Variants in TECTB observed in about 807,000 individuals in gnomAD.
The protein encoded by TECTB is tectorin beta.
TECTB carries 45 observed loss-of-function variants against 43.3 expected under a neutral mutation model. The observed-to-expected ratio is 1.04, with a 90% CI of 0.82 to 1.33. TECTB has a LOEUF of 1.33. Among genes scored for constraint, TECTB ranks in the 40% most tolerant of loss-of-function variants. TECTB has a pLI of 0.00. For synonymous variants in TECTB, 169 were observed against 156.7 expected (o/e 1.08, Z -0.59); for missense variants, 399 against 404.7 (o/e 0.99, Z 0.12).
At chr10:112,293,696 A>T in intron 5 of TECTB, 42 bp from the exon 6 acceptor site, 2 of 1,578,312 alleles carry the variant, frequency 1.3e-6, no homozygotes, top group Non-Finnish European at 1.7e-6. Flanking sequence ...TAGCTGCTCA[A>T]TCTGAGAGTT....
At chr10:112,297,825 A>G (rs138604848) in intron 7 of TECTB, among the ~76,000 whole-genome samples, 324 of 152,118 alleles carry the variant, frequency 2.1e-3, no homozygotes, top group Non-Finnish European at 3.4e-3. Flanking sequence ...TAAAAGTGTG[A>G]CTCTTATAAG....
chr10:112,300,279 A>AAAGGAAAGAAAGAAAG lies in TECTB; in HGVS notation c.907+717_907+718insGGAAAGAAAGAAAGAA, dbSNP rs1361291056. ...GAAAGAAAGAAAGAAAGAAAGAAAG[A>AAAGGAAAGAAAGAAAG]AAAGAAAGAAAGAAAGAAAGAAAGA... On this transcript the variant is annotated intron_variant, in intron 9 of 10. Transcript: ENST00000646139. Among the ~76,000 whole-genome samples the AAAGGAAAGAAAGAAAG allele has an allele frequency of 3.0e-3, 144 of 48,388 alleles. 3 individuals are homozygous for AAAGGAAAGAAAGAAAG. The highest frequency in any genetic ancestry group is 9.6e-3 in the Middle Eastern group (1 of 104). The allele number at this position is 48,388 out of a possible 152,430, so 31.7% of individuals were successfully genotyped here.
Position 112,293,738 on chromosome 10 carries a change from A to T in TECTB, c.484A>T (p.Asn162Tyr). Residue 162 changes from asparagine to tyrosine, a missense_variant and splice_region_variant, in exon 6 of 11, where the codon AAT (asparagine) becomes TAT (tyrosine). Coordinates refer to ENST00000646139, the MANE Select transcript of TECTB (RefSeq NM_058222.3). ...ESQLSLNFYT[N>Y]AKFSIKKEAP... is the part of the protein sequence containing the mutation. Reference sequence around the variant, plus strand: ...GCCCAGTGTCAATTTCCTTCCAAAGAATGCCAAGTTCTCCATCAAGAAAGA... The same window carrying T: ...GCCCAGTGTCAATTTCCTTCCAAAGTATGCCAAGTTCTCCATCAAGAAAGA... 6.2e-7 allele frequency: 1 copy of T among 1,613,924 alleles called. No homozygotes were observed. Among genetic ancestry groups the T allele is most frequent in the South Asian group, 1.1e-5 (1 of 91,066 alleles).
intron 3 of TECTB, among the ~76,000 whole-genome samples, chr10:112,285,113 G>A (rs960118960): frequency 6.6e-6 from 1 of 152,238 alleles, no homozygotes; most frequent in Non-Finnish European, 1.5e-5. Context: ...ATTTGGAAGA[G>A]CAGTTTAGGG....
At position 112,303,382 on chromosome 10, in the gene TECTB, G is replaced by C; in HGVS notation, c.*70G>C. 6.3e-7 allele frequency: 1 copy of C among 1,590,230 alleles called. No homozygotes were observed. Among genetic ancestry groups the C allele is most frequent in the South Asian group, 1.1e-5 (1 of 90,186 alleles). On this transcript the variant is annotated 3_prime_UTR_variant, in exon 11 of 11. Transcript: ENST00000646139. ...AGCGAATGACAAACACATTTATTGT[G>C]CTGCCAAAAAGAACAAACAGAAGAC... is the stretch of plus-strand genomic sequence containing the variant.
chr10:112,284,907 T>C (rs184452467), intron 3 of TECTB, among the ~76,000 whole-genome samples, 182 bp downstream of exon 3: 56 of 152,364 alleles, frequency 3.7e-4, no homozygotes, highest in African/African-American at 1.2e-3. Flanking sequence ...CTGCCTAGTT[T>C]AGATAACTCT....
rs369178348 is a variant in TECTB at position 112,286,162 on chromosome 10, C to G, written c.359C>G (p.Ser120Cys). The change falls in exon 4 of 11, where the codon TCC becomes TGC. Residue 120 changes from serine to cysteine, a missense_variant. Ser to Cys is a moderately radical substitution (Grantham distance 112, BLOSUM62 -1). Coordinates refer to ENST00000646139, the MANE Select transcript of TECTB (RefSeq NM_058222.3). ...AACCAGCCTGTCAACTACTCCTTCTCCTGCACCTACCACTCCACCTACTTG... is the reference window on the plus strand; with the variant it reads ...AACCAGCCTGTCAACTACTCCTTCTGCTGCACCTACCACTCCACCTACTTG... ...VKNQPVNYSF[S>C]CTYHSTYLVN... 1.2e-6 allele frequency: 2 copies of G among 1,614,196 alleles called. No individual in the cohort carries two copies. Among genetic ancestry groups the G allele is most frequent in the Non-Finnish European group, 1.7e-6 (2 of 1,180,022 alleles).
chr10:112,302,196 T>C (rs1848617853), intron 10 of TECTB, 63 bp downstream of exon 10: 1 of 1,587,098 alleles, frequency 6.3e-7, no homozygotes, highest in South Asian at 1.1e-5. Flanking sequence ...AGAGAGTGTT[T>C]TAAGAGAAGC....
intron 5 of TECTB, among the ~76,000 whole-genome samples, chr10:112,292,215 C>T (rs146627553): frequency 2.0e-5 from 3 of 151,988 alleles, no homozygotes; most frequent in African/African-American, 7.2e-5. Flanking sequence ...GAACTCAAGA[C>T]TCAGAGAATG....
chr10:112,283,654 C>T lies in TECTB; in HGVS notation c.-81C>T, dbSNP rs1205274166. 2.2e-5 allele frequency: 28 copies of T among 1,296,046 alleles called. No individual in the cohort carries two copies. Among genetic ancestry groups the T allele is most frequent in the Admixed American group, 1.2e-4 (6 of 50,786 alleles). The allele number at this position is 1,296,046 out of a possible 1,614,324, so 80.3% of individuals were successfully genotyped here. ...ATTCATGTTTCTGACTTAGAATGAT[C>T]GAGGCTCAGGCCCTGGAAGGACCGT... On this transcript the variant is annotated 5_prime_UTR_variant, in exon 2 of 11. Coordinates refer to ENST00000646139, the MANE Select transcript of TECTB (RefSeq NM_058222.3).
At chr10:112,285,948 T>C in intron 3 of TECTB, 123 bp from the exon 4 acceptor site, 2 of 1,254,074 alleles carry the variant, frequency 1.6e-6, no homozygotes, top group South Asian at 1.4e-5. Context: ...CCACCGTCAG[T>C]GGCAGACATT....
chr10:112,286,242 G>A, intron 4 of TECTB, 29 bp downstream of exon 4: 1 of 1,614,096 alleles, frequency 6.2e-7, no homozygotes, highest in Non-Finnish European at 8.5e-7. Context: ...TGGAGGGCTG[G>A]CTGCCTCATG....
At chr10:112,288,273 G>T (rs1432549081) in intron 5 of TECTB, among the ~76,000 whole-genome samples, 6 of 152,140 alleles carry the variant, frequency 3.9e-5, no homozygotes. Flanking sequence ...CATCAGCTGC[G>T]TAGAGCTGAG....
At position 112,294,789 on chromosome 10, in the gene TECTB, T is replaced by C. The variant is rs540027306; in HGVS notation, c.671+728T>C. Among the ~76,000 whole-genome samples the C allele has an allele frequency of 4.6e-5, 7 of 152,164 alleles. No individual in the cohort carries two copies. In the East Asian group the frequency reaches 7.7e-4, roughly 17 times the overall value. ...TTGTAGCCAAGTGAATGGAACAAGG[T>C]AATAAAAAGTAGGGAGATGCTTCTG... is the stretch of plus-strand genomic sequence containing the variant. On this transcript the variant is annotated intron_variant, in intron 7 of 10. Coordinates refer to ENST00000646139, the MANE Select transcript of TECTB (RefSeq NM_058222.3).
Position 112,285,082 on chromosome 10 carries a change from T to C in TECTB, c.267+357T>C, listed in dbSNP as rs552021886. 2.0e-5 allele frequency among the ~76,000 whole-genome samples: 3 copies of C among 152,222 alleles called. No homozygotes were observed. In the South Asian group the frequency reaches 6.2e-4, roughly 32 times the overall value. On this transcript the variant is annotated intron_variant, in intron 3 of 10. Coordinates refer to ENST00000646139, the MANE Select transcript of TECTB (RefSeq NM_058222.3). Reference sequence around the variant, plus strand: ...GGATGAGCCATTCTCTGCCTGAGACTTCAAAGTGGTGACAAAGAGCATTTG... The same window carrying C: ...GGATGAGCCATTCTCTGCCTGAGACCTCAAAGTGGTGACAAAGAGCATTTG...
chr10:112,302,337 C>A (rs1848619284), intron 10 of TECTB: 4 of 522,430 alleles, frequency 7.7e-6, no homozygotes, highest in East Asian at 6.4e-5. Flanking sequence ...GAGGGAGGAA[C>A]CGAAGGTAAA....
At chr10:112,294,746 A>G (rs1360436661) in intron 7 of TECTB, among the ~76,000 whole-genome samples, 4 of 152,210 alleles carry the variant, frequency 2.6e-5, no homozygotes, top group Non-Finnish European at 5.9e-5. Context: ...TGCAAGGGTG[A>G]TAAGACATGA....
At chr10:112,284,202 C>T (rs1378867232) in intron 2 of TECTB, among the ~76,000 whole-genome samples, 1 of 152,096 alleles carries the variant, frequency 6.6e-6, no homozygotes, top group African/African-American at 2.4e-5. Flanking sequence ...AAATTATGTG[C>T]TCATTGTTAT....
chr10:112,297,036 G>A lies in TECTB; in HGVS notation c.672-1033G>A, dbSNP rs79877062. Among the ~76,000 whole-genome samples, 1,096 of 152,284 alleles carry A rather than the reference G, an allele frequency of 7.2e-3. 7 individuals are homozygous for A. The highest frequency in any genetic ancestry group is 0.025 in the African/African-American group (1,035 of 41,550). ...TCTCTGTACAGTCCCAAGAATGGTT[G>A]CGTCTGTTTCCAACACCTAGTTAAA... On this transcript the variant is annotated intron_variant, in intron 7 of 10. Coordinates refer to ENST00000646139, the MANE Select transcript of TECTB (RefSeq NM_058222.3).
Sources: allele counts gnomAD v4.1 joint callset (sites outside exome capture counted in the v4.1 genomes callset), GRCh38; gene constraint gnomAD v4.1.1; transcripts MANE v1.5; gene names NCBI Gene and HGNC (gene_info 2026-07-23, HGNC 2026-07-21).